The following PCDHA5 variants were observed in gnomAD, a reference collection of about 807,000 sequenced individuals.
The protein encoded by PCDHA5 is protocadherin alpha 5.
PCDHA5 carries 43 observed loss-of-function variants against 61.6 expected under a neutral mutation model. The observed-to-expected ratio is 0.70, with a 90% CI of 0.55 to 0.90. PCDHA5 has a LOEUF of 0.90. Ranked by LOEUF, PCDHA5 falls within the 40% of genes least tolerant of loss-of-function variation. The pLI, the probability that PCDHA5 is intolerant of heterozygous loss-of-function variation, is 0.00. For missense variants in PCDHA5, 1,298 were observed against 1,222.7 expected, an observed-to-expected ratio of 1.06 and a Z score of -0.92; for synonymous variants, 627 against 543.9, an observed-to-expected ratio of 1.15 and a Z score of -2.13.
At chr5:140,946,092 G>T (rs985293430) in intron 1 of PCDHA5, among the ~76,000 whole-genome samples, 1 of 151,914 alleles carries the variant, frequency 6.6e-6, no homozygotes, top group Non-Finnish European at 1.5e-5. Context: ...CTGATAAGGA[G>T]TTAACATACC....
At chr5:140,843,560 A>T (rs2150362735) in intron 1 of PCDHA5, 1 of 1,595,676 alleles carries the variant, frequency 6.3e-7, no homozygotes, top group Non-Finnish European at 8.6e-7. Context: ...TGCGGTGGGG[A>T]GCTGGTCATA....
intron 1 of PCDHA5, chr5:140,870,101 G>C (rs1345689033): frequency 3.1e-6 from 5 of 1,613,914 alleles, no homozygotes; most frequent in Non-Finnish European, 4.2e-6. Context: ...GCAGGTCACT[G>C]TACAGTCTGG....
At chr5:140,929,457 G>A (rs975305297) in intron 1 of PCDHA5, 25 of 1,362,276 alleles carry the variant, frequency 1.8e-5, no homozygotes, top group Non-Finnish European at 2.4e-5. Flanking sequence ...AGCACTTCCT[G>A]TGCCAAGAAA....
At chr5:140,835,904 C>G in intron 1 of PCDHA5, 2 of 1,612,180 alleles carry the variant, frequency 1.2e-6, no homozygotes, top group Non-Finnish European at 1.7e-6. Flanking sequence ...TGTCGAGCTA[C>G]GTGTCAGTGC....
At chr5:140,912,209 G>T (rs1027468350) in intron 1 of PCDHA5, among the ~76,000 whole-genome samples, 8 of 152,158 alleles carry the variant, frequency 5.3e-5, no homozygotes, top group Non-Finnish European at 7.3e-5. Context: ...ATTGAGGGTA[G>T]ATCTGCCTTT....
intron 1 of PCDHA5, among the ~76,000 whole-genome samples, chr5:140,948,945 A>C: frequency 6.6e-6 from 1 of 151,662 alleles, no homozygotes; most frequent in East Asian, 1.9e-4. Flanking sequence ...TCTAATATAA[A>C]AAAATTAAAG....
At position 140,828,154 on chromosome 5, in the gene PCDHA5, C is replaced by T. The variant is rs2150151490; in HGVS notation, c.2352+4027C>T. 28 of 1,614,164 alleles carry T rather than the reference C, an allele frequency of 1.7e-5. No homozygotes were observed. The Admixed American group carries it at 2.5e-4, about 14-fold the overall frequency. On this transcript the variant is annotated intron_variant, in intron 1 of 3. Coordinates refer to ENST00000529859, the MANE Select transcript of PCDHA5 (RefSeq NM_018908.3). The stretch of plus-strand genomic sequence containing the variant: ...GTCTGCTCCTCCCGCTTCTGCTCCT[C>T]GCAGCCTGGAAGGTGGGGAGCGGCC...
Position 140,821,884 on chromosome 5 carries a change from G to C in PCDHA5, c.109G>C (p.Glu37Gln). ...CCAGCTCCACTACTCGATCCCGGAG[G>C]AAGCCAAACACGGAACCTTCGTTGG... The part of the protein sequence containing the change: ...SGQLHYSIPE[E>Q]AKHGTFVGRI... Residue 37 changes from glutamate (E) to glutamine (Q), a missense_variant, in exon 1 of 4, where the codon GAA becomes CAA. By Grantham distance (29) the Glu-to-Gln change is conservative. Transcript: ENST00000529859. The C allele has an allele frequency of 2.0e-5, 33 of 1,614,242 alleles. No homozygotes were observed. Among genetic ancestry groups the C allele is most frequent in the Non-Finnish European group, 2.7e-5 (32 of 1,180,038 alleles).
At chr5:140,976,971 C>A (rs2096740170) in intron 1 of PCDHA5, among the ~76,000 whole-genome samples, 1 of 152,138 alleles carries the variant, frequency 6.6e-6, no homozygotes, top group Non-Finnish European at 1.5e-5. Flanking sequence ...TTTCCTTTTC[C>A]CTGCCTGATC....
intron 1 of PCDHA5, among the ~76,000 whole-genome samples, chr5:140,941,202 C>T (rs246071): frequency 0.094 from 11,551 of 122,542 alleles, 708 homozygotes; most frequent in Admixed American, 0.12. Context: ...TTTCTTTCTT[C>T]CTTTCTTTCT....
intron 1 of PCDHA5, among the ~76,000 whole-genome samples, chr5:140,844,268 C>G (rs1440274573): frequency 6.7e-6 from 1 of 149,334 alleles, no homozygotes; most frequent in Non-Finnish European, 1.5e-5. Context: ...TGATAAAATA[C>G]AGAATGATAG....
At chr5:140,912,694 G>A (rs1328426442) in intron 1 of PCDHA5, among the ~76,000 whole-genome samples, 1 of 152,090 alleles carries the variant, frequency 6.6e-6, no homozygotes, top group Non-Finnish European at 1.5e-5. Flanking sequence ...GGTCTCAGGG[G>A]GAATGCTTTC....
At chr5:140,898,400 C>T (rs1374307667) in intron 1 of PCDHA5, among the ~76,000 whole-genome samples, 1 of 152,178 alleles carries the variant, frequency 6.6e-6, no homozygotes, top group Non-Finnish European at 1.5e-5. Flanking sequence ...TTTCAGCTTT[C>T]TACATACGGC....
Position 140,856,935 on chromosome 5 carries a change from A to G in PCDHA5, c.2352+32808A>G, listed in dbSNP as rs1554149306. 4 of 1,594,120 alleles carry G rather than the reference A, an allele frequency of 2.5e-6. 1 individual carries two copies. The African/African-American group carries it at 5.4e-5, about 21-fold the overall frequency. ...ATAAGAAGGAAATTTTGGATAAACGAAAGGACGGGAGAAATAAAAGTAAAT... is the reference window on the plus strand; with the variant it reads ...ATAAGAAGGAAATTTTGGATAAACGGAAGGACGGGAGAAATAAAAGTAAAT... On this transcript the variant is annotated intron_variant, in intron 1 of 3. Transcript: ENST00000529859.
intron 1 of PCDHA5, among the ~76,000 whole-genome samples, chr5:140,909,668 CA>C (rs1554193872): frequency 6.6e-6 from 1 of 152,162 alleles, no homozygotes; most frequent in Non-Finnish European, 1.5e-5. Context: ...CTCACTCTAC[CA>C]GTCAGGGAGC....
chr5:140,939,562 G>C (rs1584985766), intron 1 of PCDHA5, among the ~76,000 whole-genome samples: 1 of 152,158 alleles, frequency 6.6e-6, no homozygotes, highest in Middle Eastern at 3.4e-3. Flanking sequence ...TATTAGTTTG[G>C]TTAATCAAAA....
At chr5:140,860,726 G>T (rs73263824) in intron 1 of PCDHA5, 23,037 of 152,060 alleles carry the variant, frequency 0.15, 1,806 homozygotes, top group Middle Eastern at 0.2. Context: ...AGTTTTTTTG[G>T]TTTTTTTGTT....
Position 140,869,241 on chromosome 5 carries a change from C to T in PCDHA5, c.2352+45114C>T, listed in dbSNP as rs782686549. 1.9e-6 allele frequency: 3 copies of T among 1,613,628 alleles called. No homozygotes were observed. In the South Asian group the frequency reaches 3.3e-5, roughly 18 times the overall value. ...AGGCCAAACACGGCACCTTCGTGGGCCGCATCGCGCAGGACCTGGGGCTGG... is the reference window on the plus strand; with the variant it reads ...AGGCCAAACACGGCACCTTCGTGGGTCGCATCGCGCAGGACCTGGGGCTGG... On this transcript the variant is annotated intron_variant, in intron 1 of 3. Transcript: ENST00000529859.
intron 1 of PCDHA5, chr5:140,864,365 A>G (rs2048439709): frequency 6.6e-6 from 1 of 152,220 alleles, no homozygotes; most frequent in Non-Finnish European, 1.5e-5. Flanking sequence ...TTATCTTTCT[A>G]TAATCGATAA....
Sources: gnomAD v4.1 joint callset for allele counts (sites outside exome capture counted in the v4.1 genomes callset) on GRCh38, gnomAD v4.1.1 for gene constraint, MANE v1.5 for transcripts, NCBI Gene and HGNC (gene_info 2026-07-23, HGNC 2026-07-21) for gene names.